The following ALDH4A1 variants were observed in gnomAD, a reference collection of about 807,000 sequenced individuals.
The protein encoded by ALDH4A1 is aldehyde dehydrogenase 4 family member A1.
A neutral mutation model predicts 70.5 loss-of-function variants in ALDH4A1; 46 were observed. The observed-to-expected ratio is 0.65, with a 90% CI of 0.51 to 0.83. ALDH4A1 has a LOEUF of 0.83. ALDH4A1 is among the 40% of genes least tolerant of loss of function. The probability of loss-of-function intolerance (pLI) is 0.00; values close to 1 mark genes in which losing one functional copy is unlikely to be tolerated. For missense variants in ALDH4A1, 749 were observed against 766.5 expected, an observed-to-expected ratio of 0.98 and a Z score of 0.27; for synonymous variants, 323 against 324.3, an observed-to-expected ratio of 1.00 and a Z score of 0.04.
Position 18,892,566 on chromosome 1 carries a change from G to C in ALDH4A1, c.63-2461C>G, listed in dbSNP as rs112275527. Among the ~76,000 whole-genome samples the C allele has an allele frequency of 3.3e-4, 50 of 151,694 alleles. 1 individual carries two copies. Among genetic ancestry groups the C allele is most frequent in the East Asian group, 7.9e-4 (4 of 5,088 alleles). On this transcript the variant is annotated intron_variant, in intron 1 of 14. Coordinates refer to ENST00000375341, the MANE Select transcript of ALDH4A1 (RefSeq NM_003748.4). Reference sequence around the variant, plus strand: ...TCCCAGGTAGAAGGAGGCGGGGGGGGGCTGAGAGGGGCCTGCGTGGTAGAG... The same window carrying C: ...TCCCAGGTAGAAGGAGGCGGGGGGGCGCTGAGAGGGGCCTGCGTGGTAGAG...
Position 18,885,355 on chromosome 1 carries a change from G to A in ALDH4A1, c.453+118C>T, listed in dbSNP as rs76538441. 683 of 1,018,662 alleles carry A rather than the reference G, an allele frequency of 6.7e-4. 7 individuals are homozygous for A. The East Asian group carries it at 0.016, about 24-fold the overall frequency. The allele number at this position is 1,018,662 out of a possible 1,614,324, so 63.1% of individuals were successfully genotyped here. On this transcript the variant is annotated intron_variant, in intron 5 of 14. Coordinates refer to ENST00000375341, the MANE Select transcript of ALDH4A1 (RefSeq NM_003748.4). Reference sequence around the variant, plus strand: ...GCCTTGTCCCTTGAGGACATCTCTGGGTCCCCAAAAGGGCTTAGGACCCAG... The same window carrying A: ...GCCTTGTCCCTTGAGGACATCTCTGAGTCCCCAAAAGGGCTTAGGACCCAG...
Position 18,886,475 on chromosome 1 carries a change from A to G in ALDH4A1, c.286T>C (p.Tyr96His). ...ACAGGCTCACTCACCTTGTCTGCAT[A>G]ACAGAACTTGGCCACCTTATGTCCA... ...NHGHKVAKFC[Y>H]ADKSLLNKAI... The change falls in exon 4 of 15, where the codon TAT becomes CAT. Residue 96 changes from tyrosine (Y) to histidine (H), a missense_variant. Transcript: ENST00000375341. 6.2e-7 allele frequency: 1 copy of G among 1,614,200 alleles called. No individual in the cohort carries two copies. Among genetic ancestry groups the G allele is most frequent in the South Asian group, 1.1e-5 (1 of 91,084 alleles).
rs532881055 is a variant in ALDH4A1 at position 18,899,559 on chromosome 1, TA to T, written c.62+2902del. ...TGAGAAAAAAACAGGAAGTCAGGGT[TA>T]AAGGAGGAAAGAGACAGTCAGTTGG... On this transcript the variant is annotated intron_variant, in intron 1 of 14. Coordinates refer to ENST00000375341, the MANE Select transcript of ALDH4A1 (RefSeq NM_003748.4). Among the ~76,000 whole-genome samples, 5 of 152,314 alleles carry T rather than the reference TA, an allele frequency of 3.3e-5. No homozygotes were observed. The South Asian group carries it at 1.0e-3, about 32-fold the overall frequency.
intron 5 of ALDH4A1, among the ~76,000 whole-genome samples, chr1:18,884,730 C>T (rs1367421434): frequency 2.0e-5 from 3 of 152,214 alleles, no homozygotes; most frequent in African/African-American, 7.2e-5. Flanking sequence ...TGAGCTGTAA[C>T]TGATGCAGGA....
At position 18,879,323 on chromosome 1, in the gene ALDH4A1, T is replaced by C. The variant is rs902755687; in HGVS notation, c.917A>G (p.His306Arg). 9.3e-6 allele frequency: 15 copies of C among 1,610,566 alleles called. No homozygotes were observed. The highest frequency in any genetic ancestry group is 1.1e-5 in the Non-Finnish European group (13 of 1,178,658). ...ACCTCCAGCCAGGCGTGGGAAGGTGTGGAACCGGTCCAGGTTCTGGGCCAC... is the reference window on the plus strand; with the variant it reads ...ACCTCCAGCCAGGCGTGGGAAGGTGCGGAACCGGTCCAGGTTCTGGGCCAC... ...KQVAQNLDRFHTFPRLAGECG... is the reference protein window; with the variant it reads ...KQVAQNLDRFRTFPRLAGECG... Residue 306 changes from histidine (H) to arginine (R), a missense_variant, in exon 9 of 15, where the codon CAC (histidine) becomes CGC (arginine). Physicochemically the swap from His to Arg is conservative, Grantham distance 29. Transcript: ENST00000375341.
At position 18,898,688 on chromosome 1, in the gene ALDH4A1, G is replaced by A. The variant is rs991588046; in HGVS notation, c.62+3774C>T. 1.3e-5 allele frequency among the ~76,000 whole-genome samples: 2 copies of A among 152,208 alleles called. No homozygotes were observed. The highest frequency in any genetic ancestry group is 2.9e-5 in the Non-Finnish European group (2 of 68,036). ...GAACATAAGGGAGCCCAGAGAGGGT[G>A]AGTAACCTGCCCGGGGCCACAGAGC... On this transcript the variant is annotated intron_variant, in intron 1 of 14. Coordinates refer to ENST00000375341, the MANE Select transcript of ALDH4A1 (RefSeq NM_003748.4). The surrounding 1 kb of genome is among the most constrained non-coding windows in gnomAD (Gnocchi z 4.3).
At chr1:18,879,587 G>A (rs934551828) in intron 8 of ALDH4A1, among the ~76,000 whole-genome samples, 13 of 152,184 alleles carry the variant, frequency 8.5e-5, no homozygotes, top group African/African-American at 3.1e-4. Flanking sequence ...ATGTTCTGCA[G>A]CCAGGAGGAC....
In ALDH4A1 at chr1:18,874,559, T is replaced by C. The variant is rs747128730; in HGVS notation, c.1483A>G (p.Lys495Glu). ...TTGCCGGCAGCATTCCTCAGCACCT[T>C]TGTGGCCTCCTGCACGACGTCCCTA... The part of the protein sequence containing the change: ...QDKDVVQEAT[K>E]VLRNAAGNFY... The change falls in exon 14 of 15, where the codon AAG becomes GAG. Residue 495 changes from lysine (K) to glutamate (E), a missense_variant. By Grantham distance (56) the Lys-to-Glu change is moderately conservative (BLOSUM62 1). Coordinates refer to ENST00000375341, the MANE Select transcript of ALDH4A1 (RefSeq NM_003748.4). The C allele has an allele frequency of 1.2e-6, 2 of 1,614,056 alleles. No homozygotes were observed. Among genetic ancestry groups the C allele is most frequent in the Admixed American group, 3.3e-5 (2 of 60,004 alleles).
intron 8 of ALDH4A1, 70 bp from the exon 9 acceptor site, chr1:18,879,443 A>G: frequency 7.1e-7 from 1 of 1,402,176 alleles, no homozygotes; most frequent in East Asian, 2.4e-5. Context: ...AAGCCCAGGG[A>G]GGAGCATTGC....
chr1:18,883,127 C>G lies in ALDH4A1; in HGVS notation c.675G>C (p.Leu225=). The G allele has an allele frequency of 6.2e-7, 1 of 1,613,176 alleles. No individual in the cohort carries two copies. The highest frequency in any genetic ancestry group is 1.1e-5 in the South Asian group (1 of 91,092). ...IGGNLAGAPA[L]MGNVVLWKPS... is the part of the protein sequence containing the mutation. Reference sequence around the variant, plus strand: ...CCCACCTGTGCCCACATCTCACCATCAGGGCCGGTGCCCCCGCCAGGTTGC... The same window carrying G: ...CCCACCTGTGCCCACATCTCACCATGAGGGCCGGTGCCCCCGCCAGGTTGC... Residue 225 remains leucine, a synonymous_variant, in exon 7 of 15, where the codon CTG becomes CTC. Coordinates refer to ENST00000375341, the MANE Select transcript of ALDH4A1 (RefSeq NM_003748.4).
At position 18,876,419 on chromosome 1, in the gene ALDH4A1, T is replaced by C. The variant is rs769943654; in HGVS notation, c.1234A>G (p.Ser412Gly). The C allele has an allele frequency of 2.5e-6, 4 of 1,612,322 alleles. No individual in the cohort carries two copies. The highest frequency in any genetic ancestry group is 1.7e-6 in the Non-Finnish European group (2 of 1,179,436). Residue 412 changes from serine (S) to glycine (G), a missense_variant, in exon 12 of 15, where the codon AGC becomes GGC. By Grantham distance (56) the Ser-to-Gly change is moderately conservative (BLOSUM62 0). Coordinates refer to ENST00000375341, the MANE Select transcript of ALDH4A1 (RefSeq NM_003748.4). ...KWLEHARSSP[S>G]LTILAGGKCD... is the part of the protein sequence containing the mutation. Reference sequence around the variant, plus strand: ...TTGCCCCCGGCCAGGATGGTGAGGCTGGGTGAGGAGCGTGCGTGCTCCAGC... The same window carrying C: ...TTGCCCCCGGCCAGGATGGTGAGGCCGGGTGAGGAGCGTGCGTGCTCCAGC...
chr1:18,884,136 G>T (rs1935099656), intron 5 of ALDH4A1, among the ~76,000 whole-genome samples: 1 of 152,168 alleles, frequency 6.6e-6, no homozygotes, highest in Admixed American at 6.6e-5. Context: ...TTGCTTCCTA[G>T]AAGTTCCTGA....
At chr1:18,885,150 C>A in intron 5 of ALDH4A1, 2 of 396,866 alleles carry the variant, frequency 5.0e-6, no homozygotes, top group Non-Finnish European at 9.4e-6. Context: ...CGGCGAGGGG[C>A]TGACCAAGCT....
chr1:18,887,012 G>A (rs1468191305), intron 3 of ALDH4A1, among the ~76,000 whole-genome samples: 17 of 152,218 alleles, frequency 1.1e-4, no homozygotes, highest in Admixed American at 1.0e-3. Flanking sequence ...AAAACCAGGT[G>A]AGGCCCAAAA....
Position 18,877,544 on chromosome 1 carries a change from G to C in ALDH4A1, c.1009C>G (p.Leu337Val), listed in dbSNP as rs1242615920. 1 of 1,612,304 alleles carries C rather than the reference G, an allele frequency of 6.2e-7. No individual in the cohort carries two copies. The highest frequency in any genetic ancestry group is 8.5e-7 in the Non-Finnish European group (1 of 1,179,718). ...ADVESVVSGT[L>V]RSAFEYGGQK... ...CCACCGTACTCGAAGGCTGAGCGGA[G>C]GGTCCCGCTCACCACGCTCTCCACG... Residue 337 changes from leucine (L) to valine (V), a missense_variant, in exon 10 of 15, where the codon CTC becomes GTC. Leu to Val is a conservative substitution (Grantham distance 32). Transcript: ENST00000375341.
chr1:18,878,510 G>C (rs1418312187), intron 9 of ALDH4A1, among the ~76,000 whole-genome samples: 1 of 152,074 alleles, frequency 6.6e-6, no homozygotes, highest in Non-Finnish European at 1.5e-5. Flanking sequence ...AAACATGCTG[G>C]ACCACCGGTC....
intron 13 of ALDH4A1, among the ~76,000 whole-genome samples, chr1:18,874,897 C>T (rs1191361306): frequency 6.6e-6 from 1 of 152,254 alleles, no homozygotes; most frequent in Non-Finnish European, 1.5e-5. Flanking sequence ...CCCAGGCCCA[C>T]ACCCTTCCTC....
At chr1:18,889,963 C>T in intron 2 of ALDH4A1, 49 bp downstream of exon 2, 1 of 1,468,618 alleles carries the variant, frequency 6.8e-7, no homozygotes, top group Non-Finnish European at 9.3e-7. Flanking sequence ...TGGGGATGGC[C>T]TCTGCTCCAT....
intron 1 of ALDH4A1, among the ~76,000 whole-genome samples, chr1:18,891,477 G>A (rs1008148687): frequency 1.3e-5 from 2 of 152,116 alleles, no homozygotes; most frequent in African/African-American, 4.8e-5. Flanking sequence ...GCACAGGTGG[G>A]GTTCACTGGT....
Sources: allele counts gnomAD v4.1 joint callset (sites outside exome capture counted in the v4.1 genomes callset), GRCh38; gene constraint gnomAD v4.1.1; non-coding constraint Gnocchi (gnomAD v3.1); transcripts MANE v1.5; gene names NCBI Gene and HGNC (gene_info 2026-07-23, HGNC 2026-07-21).